Variants in PLPBP observed in about 807,000 individuals in gnomAD.
PLPBP encodes pyridoxal phosphate binding protein.
Under a neutral mutation model 31.2 loss-of-function variants are expected in PLPBP, and 21 were observed. That is an observed-to-expected ratio of 0.67 (90% CI 0.48 to 0.97). The LOEUF is 0.97. Ranked by LOEUF, PLPBP falls within the 50% of genes least tolerant of loss-of-function variation. The pLI is 0.00. For synonymous variants in PLPBP, 124 were observed against 135.6 expected (o/e 0.91, Z 0.59); for missense variants, 308 against 354.4 (o/e 0.87, Z 1.05).
Position 37,766,328 on chromosome 8 carries a change from C to T in PLPBP, c.292C>T (p.Gln98Ter). Reference protein sequence around the residue: ...EIKWHFIGHLQKQNVNKLMAV... With the variant: ...EIKWHFIGHL ...CAAATGGCACTTCATTGGCCACCTA[C>T]AGAAACAAAATGTCAACAAATTGAT... is the stretch of plus-strand genomic sequence containing the variant. Residue 98 changes from glutamine (Q) to a stop codon, truncating the protein, a stop_gained, in exon 4 of 8, where the codon CAG (glutamine) becomes TAG (stop). Coordinates refer to ENST00000328195, the MANE Select transcript of PLPBP (RefSeq NM_007198.4). LOFTEE classifies it high-confidence loss of function. 1 of 1,609,058 alleles carries T rather than the reference C, an allele frequency of 6.2e-7. No individual in the cohort carries two copies. Among genetic ancestry groups the T allele is most frequent in the Non-Finnish European group, 8.5e-7 (1 of 1,177,712 alleles).
At chr8:37,767,851 G>T (rs1803676044) in intron 4 of PLPBP, among the ~76,000 whole-genome samples, 1 of 128,162 alleles carries the variant, frequency 7.8e-6, no homozygotes, top group Non-Finnish European at 1.5e-5. Flanking sequence ...TGTCGCCCAA[G>T]CTGGAGTGCA....
At chr8:37,776,759 G>C (rs980331717) in intron 7 of PLPBP, among the ~76,000 whole-genome samples, 1 of 152,050 alleles carries the variant, frequency 6.6e-6, no homozygotes, top group African/African-American at 2.4e-5. Context: ...GCAGCCTAAG[G>C]CTTCATGTTT....
At chr8:37,766,235 C>G in intron 3 of PLPBP, 45 bp from the exon 4 acceptor site, 2 of 1,480,804 alleles carry the variant, frequency 1.4e-6, no homozygotes, top group Non-Finnish European at 1.9e-6. Context: ...GCCAGCAAGG[C>G]CTCTATAAAA....
chr8:37,768,186 T>C (rs2129784259), intron 4 of PLPBP, among the ~76,000 whole-genome samples: 1 of 152,316 alleles, frequency 6.6e-6, no homozygotes, highest in Admixed American at 6.5e-5. Context: ...AATCTTATTA[T>C]ATGTCATATA....
At chr8:37,776,631 A>C (rs1803920978) in intron 7 of PLPBP, among the ~76,000 whole-genome samples, 1 of 152,112 alleles carries the variant, frequency 6.6e-6, no homozygotes, top group Non-Finnish European at 1.5e-5. Context: ...CATAAATTAT[A>C]AACATAATTC....
chr8:37,767,453 T>G (rs1338243593), intron 4 of PLPBP, among the ~76,000 whole-genome samples: 1 of 152,228 alleles, frequency 6.6e-6, no homozygotes, highest in East Asian at 1.9e-4. Flanking sequence ...AAGTATGTAC[T>G]CTTTTTTGTC....
At chr8:37,772,967 T>G in intron 5 of PLPBP, 78 bp downstream of exon 5, 1 of 1,551,688 alleles carries the variant, frequency 6.4e-7, no homozygotes, top group Non-Finnish European at 8.8e-7. Flanking sequence ...TGGGCCCAAG[T>G]GTCTGATGGA....
chr8:37,769,819 C>T (rs1401894714), intron 4 of PLPBP, among the ~76,000 whole-genome samples: 1 of 152,076 alleles, frequency 6.6e-6, no homozygotes, highest in Non-Finnish European at 1.5e-5. Flanking sequence ...AATAAATATA[C>T]AAAAATCAGT....
intron 4 of PLPBP, among the ~76,000 whole-genome samples, chr8:37,768,558 C>T (rs1348753206): frequency 6.7e-6 from 1 of 150,244 alleles, no homozygotes; most frequent in African/African-American, 2.5e-5. Context: ...CTGCAACCTC[C>T]GCTTCCCAGG....
chr8:37,769,689 A>G (rs1178190310), intron 4 of PLPBP, among the ~76,000 whole-genome samples: 1 of 152,216 alleles, frequency 6.6e-6, no homozygotes, highest in Non-Finnish European at 1.5e-5. Context: ...GAGTGAGTAA[A>G]TGAGTACTCC....
At position 37,775,926 on chromosome 8, in the gene PLPBP, G is replaced by A. The variant is rs1452534021; in HGVS notation, c.606G>A (p.Leu202=). Residue 202 remains leucine, a synonymous_variant, in exon 7 of 8, where the codon TTG becomes TTA. Transcript: ENST00000328195. ...TCATCTCTTTCTGTCAGCTGTTATTGTCCCTCCGGGAGGAGCTGTGTAAAA... is the reference window on the plus strand; with the variant it reads ...TCATCTCTTTCTGTCAGCTGTTATTATCCCTCCGGGAGGAGCTGTGTAAAA... ...QGPNPDFQLL[L]SLREELCKKL... 6.2e-7 allele frequency: 1 copy of A among 1,613,164 alleles called. No homozygotes were observed. Among genetic ancestry groups the A allele is most frequent in the Non-Finnish European group, 8.5e-7 (1 of 1,179,184 alleles).
upstream of PLPBP, chr8:37,762,579 C>G: frequency 1.3e-6 from 2 of 1,509,388 alleles, no homozygotes; most frequent in South Asian, 2.5e-5. Flanking sequence ...TTGGTTCACA[C>G]GGCGCAAGCT....
intron 7 of PLPBP, among the ~76,000 whole-genome samples, chr8:37,777,336 C>T (rs1297586063): frequency 6.6e-6 from 1 of 152,058 alleles, no homozygotes; most frequent in Admixed American, 6.6e-5. Flanking sequence ...TCTACCTGAC[C>T]GTGGCACATT....
chr8:37,770,476 A>C (rs1040350881), intron 4 of PLPBP, among the ~76,000 whole-genome samples: 3 of 152,256 alleles, frequency 2.0e-5, no homozygotes, highest in Non-Finnish European at 2.9e-5. Context: ...ACAAAAATCA[A>C]ATCAAAATAG....
At position 37,762,715 on chromosome 8, in the gene PLPBP, C is replaced by A. The variant is rs149994926; in HGVS notation, c.56C>A (p.Ala19Glu). ...CTGGGAGTCGGGTGCGCATTGCGGG[C>A]GGTGAACGAGCGCGTGCAGCAGGCT... Reference protein sequence around the residue: ...AELGVGCALRAVNERVQQAVA... With the variant: ...AELGVGCALREVNERVQQAVA... Residue 19 changes from alanine to glutamate, a missense_variant, in exon 1 of 8, where the codon GCG becomes GAG. By Grantham distance (107) the Ala-to-Glu change is moderately radical. Around this residue, in one of 2 missense-constraint regions of PLPBP, gnomAD observed 120 missense variants for 95.1 expected, o/e 1.26. Coordinates refer to ENST00000328195, the MANE Select transcript of PLPBP (RefSeq NM_007198.4). 1 of 1,589,030 alleles carries A rather than the reference C, an allele frequency of 6.3e-7. No homozygotes were observed. Among genetic ancestry groups the A allele is most frequent in the Admixed American group, 1.8e-5 (1 of 56,864 alleles).
chr8:37,767,237 G>A (rs112322389), intron 4 of PLPBP, among the ~76,000 whole-genome samples: 1,808 of 152,056 alleles, frequency 0.012, 37 homozygotes, highest in African/African-American at 0.041. Context: ...TATAGAATTC[G>A]ACGAGTTTTG....
rs560278928 is a variant in PLPBP at position 37,769,894 on chromosome 8, A to G, written c.320-2861A>G. Reference sequence around the variant, plus strand: ...AATCAGGAAAGTAATCCCATTTACAATAGCTACAAATGAAATACCTAAGAA... The same window carrying G: ...AATCAGGAAAGTAATCCCATTTACAGTAGCTACAAATGAAATACCTAAGAA... On this transcript the variant is annotated intron_variant, in intron 4 of 7. Transcript: ENST00000328195. 3.2e-3 allele frequency among the ~76,000 whole-genome samples: 484 copies of G among 152,384 alleles called. 1 individual carries two copies. The highest frequency in any genetic ancestry group is 6.5e-3 in the African/African-American group (270 of 41,590).
At chr8:37,776,774 GT>G (rs978713104) in intron 7 of PLPBP, among the ~76,000 whole-genome samples, 2 of 150,548 alleles carry the variant, frequency 1.3e-5, no homozygotes, top group African/African-American at 4.9e-5. Context: ...ATGTTTGTTT[GT>G]TTTTTTTTGG....
chr8:37,775,376 C>A lies in PLPBP; in HGVS notation c.492C>A (p.Ile164=). 1 of 1,614,160 alleles carries A rather than the reference C, an allele frequency of 6.2e-7. No individual in the cohort carries two copies. The highest frequency in any genetic ancestry group is 8.5e-7 in the Non-Finnish European group (1 of 1,180,014). The change falls in exon 6 of 8, where the codon ATC becomes ATA. Residue 164 remains isoleucine (I), a synonymous_variant. Transcript: ENST00000328195. The stretch of plus-strand genomic sequence containing the variant: ...TTCCACCTTCAGAGACCATAGCCAT[C>A]GTGGAGCACATAAACGCCAAGTGTC... The part of the protein sequence containing the change: ...HGLPPSETIA[I]VEHINAKCPN...
Sources: gnomAD v4.1 joint callset for allele counts (sites outside exome capture counted in the v4.1 genomes callset) on GRCh38, gnomAD v4.1.1 for gene constraint, gnomAD v4.1.1 regional missense constraint, MANE v1.5 for transcripts, NCBI Gene and HGNC (gene_info 2026-07-23, HGNC 2026-07-21) for gene names.